ABCA13: variants seen among roughly 807,000 people sequenced by gnomAD.
The protein encoded by ABCA13 is ATP-binding cassette sub-family A member 13.
A neutral mutation model predicts 478.7 loss-of-function variants in ABCA13; 476 were observed. The ratio of observed to expected loss-of-function variants is 0.99; its 90% CI spans 0.92 to 1.07. ABCA13 has a LOEUF of 1.07. Among genes scored for constraint, ABCA13 ranks in the 50% least tolerant of loss-of-function variants. The probability of loss-of-function intolerance (pLI) is 0.00; values close to 1 mark genes in which losing one functional copy is unlikely to be tolerated. For synonymous variants in ABCA13, 2,252 were observed against 2,158.9 expected (o/e 1.04, Z -1.20); for missense variants, 6,060 against 5,910.6 (o/e 1.03, Z -0.83).
intron 58 of ABCA13, among the ~76,000 whole-genome samples, chr7:48,602,107 T>C (rs1371622011): frequency 6.6e-6 from 1 of 152,236 alleles, no homozygotes; most frequent in Non-Finnish European, 1.5e-5. Flanking sequence ...AAGTTCTTTG[T>C]AGATTCTGGA....
intron 60 of ABCA13, among the ~76,000 whole-genome samples, chr7:48,644,235 A>C (rs1795291223): frequency 6.6e-6 from 1 of 152,204 alleles, no homozygotes; most frequent in African/African-American, 2.4e-5. Context: ...TTGCTCAGCT[A>C]ATGATGAGAA....
chr7:48,429,235 A>G (rs937695041), intron 42 of ABCA13, among the ~76,000 whole-genome samples: 3 of 152,216 alleles, frequency 2.0e-5, no homozygotes, highest in East Asian at 3.8e-4. Context: ...TATTGCAAAT[A>G]TACTATTATG....
intron 45 of ABCA13, among the ~76,000 whole-genome samples, chr7:48,473,593 C>T (rs1400368591): frequency 6.6e-6 from 1 of 152,106 alleles, no homozygotes; most frequent in African/African-American, 2.4e-5. Context: ...TGGGTGGTTA[C>T]AAAAGTCGTT....
chr7:48,420,500 G>A (rs575137233), intron 41 of ABCA13, among the ~76,000 whole-genome samples: 1 of 152,314 alleles, frequency 6.6e-6, no homozygotes, highest in Non-Finnish European at 1.5e-5. Context: ...AATTTTTGCA[G>A]TGTATTTTTT....
chr7:48,339,888 AC>A (rs1180467521), intron 29 of ABCA13, among the ~76,000 whole-genome samples: 1 of 152,144 alleles, frequency 6.6e-6, no homozygotes, highest in African/African-American at 2.4e-5. Context: ...GGGATTGATC[AC>A]TGACCAGATG....
intron 2 of ABCA13, among the ~76,000 whole-genome samples, chr7:48,193,644 T>TATG (rs1161460939): frequency 2.1e-5 from 3 of 143,250 alleles, no homozygotes; most frequent in Admixed American, 7.0e-5. Flanking sequence ...TAATAGTAAC[T>TATG]ATGATGATGA....
chr7:48,460,421 G>T lies in ABCA13; in HGVS notation c.12815+5135G>T, dbSNP rs74535094. 4.5e-3 allele frequency among the ~76,000 whole-genome samples: 684 copies of T among 152,178 alleles called. 1 individual carries two copies. Among genetic ancestry groups the T allele is most frequent in the African/African-American group, 0.016 (661 of 41,544 alleles). ...AGTGGCTGCCAGCGATCCCTGACAT[G>T]CCTTGACTTGTGGCAGCATCACTCC... On this transcript the variant is annotated intron_variant, in intron 43 of 61. Coordinates refer to ENST00000435803, the MANE Select transcript of ABCA13 (RefSeq NM_152701.5).
At chr7:48,249,148 A>G in intron 14 of ABCA13, 64 bp from the exon 15 acceptor site, 1 of 1,446,526 alleles carries the variant, frequency 6.9e-7, no homozygotes, top group Non-Finnish European at 9.4e-7. Flanking sequence ...AAAATTTATA[A>G]TGATCTGTCA....
intron 47 of ABCA13, among the ~76,000 whole-genome samples, chr7:48,486,807 A>C (rs1288023346): frequency 1.3e-5 from 2 of 152,126 alleles, no homozygotes; most frequent in African/African-American, 4.8e-5. Flanking sequence ...ATGACAGTGG[A>C]GGTCTCAGCT....
At chr7:48,511,665 G>A (rs1437459925) in intron 51 of ABCA13, among the ~76,000 whole-genome samples, 2 of 152,008 alleles carry the variant, frequency 1.3e-5, no homozygotes, top group Non-Finnish European at 1.5e-5. Context: ...ATAGCAAATG[G>A]AGAAAAGTCA....
intron 42 of ABCA13, among the ~76,000 whole-genome samples, chr7:48,437,965 C>T (rs1337705450): frequency 1.3e-5 from 2 of 152,028 alleles, no homozygotes; most frequent in Non-Finnish European, 2.9e-5. Context: ...CTAATGTATT[C>T]CCCTATCTAT....
intron 41 of ABCA13, among the ~76,000 whole-genome samples, chr7:48,425,809 C>G (rs917461608): frequency 2.6e-5 from 4 of 152,038 alleles, no homozygotes; most frequent in Admixed American, 2.6e-4. Flanking sequence ...GGCGCAATCT[C>G]GGCTCACTGC....
intron 56 of ABCA13, among the ~76,000 whole-genome samples, chr7:48,586,504 C>T (rs1164961933): frequency 1.3e-5 from 2 of 152,032 alleles, no homozygotes; most frequent in South Asian, 2.1e-4. Flanking sequence ...CGTGTGTTCT[C>T]GTTTATAGGG....
At chr7:48,466,673 A>G (rs915983910) in intron 43 of ABCA13, among the ~76,000 whole-genome samples, 3 of 152,202 alleles carry the variant, frequency 2.0e-5, no homozygotes, top group African/African-American at 7.2e-5. Context: ...TGGTGGTGTT[A>G]TATTAAGTGA....
At chr7:48,640,219 A>G (rs1795007162) in intron 59 of ABCA13, among the ~76,000 whole-genome samples, 1 of 152,138 alleles carries the variant, frequency 6.6e-6, no homozygotes, top group South Asian at 2.1e-4. Flanking sequence ...ATGACTTTTA[A>G]TTTGGGGGGA....
At chr7:48,202,897 C>T (rs564318199) in intron 3 of ABCA13, among the ~76,000 whole-genome samples, 5,833 of 145,070 alleles carry the variant, frequency 0.04, 200 homozygotes, top group Admixed American at 0.11. Context: ...CTGCCAGTCC[C>T]GGTGCCGTGC....
chr7:48,515,819 A>G (rs1832063140), intron 51 of ABCA13, among the ~76,000 whole-genome samples: 1 of 152,036 alleles, frequency 6.6e-6, no homozygotes, highest in Non-Finnish European at 1.5e-5. Flanking sequence ...AGCTTTTTAT[A>G]TTCTTGATAT....
At chr7:48,231,020 G>C (rs1788992791) in intron 7 of ABCA13, among the ~76,000 whole-genome samples, 1 of 152,130 alleles carries the variant, frequency 6.6e-6, no homozygotes. Flanking sequence ...TCGGGGGAGA[G>C]GGGAGGGAGA....
chr7:48,496,549 A>G (rs1372238640), intron 48 of ABCA13, among the ~76,000 whole-genome samples: 2 of 151,972 alleles, frequency 1.3e-5, no homozygotes, highest in East Asian at 3.9e-4. Flanking sequence ...TTCCTTTTGT[A>G]AGTTCTAAGC....
Sources: gnomAD v4.1 joint callset for allele counts (sites outside exome capture counted in the v4.1 genomes callset) on GRCh38, gnomAD v4.1.1 for gene constraint, MANE v1.5 for transcripts, NCBI Gene and HGNC (gene_info 2026-07-23, HGNC 2026-07-21) for gene names.